COL5A2: variants seen among roughly 807,000 people sequenced by gnomAD.
COL5A2 encodes the protein collagen alpha-2(V) chain.
In COL5A2, 23 loss-of-function variants were observed where a neutral mutation model predicts 208.2. The ratio of observed to expected loss-of-function variants is 0.11; its 90% CI spans 0.08 to 0.16. The LOEUF (loss-of-function observed/expected upper bound fraction) is 0.16. Among genes scored for constraint, COL5A2 ranks in the 10% least tolerant of loss-of-function variants. The pLI is 1.00. For synonymous variants in COL5A2, 625 were observed against 628.5 expected (o/e 0.99, Z 0.08); for missense variants, 1,590 against 1,956.4 (o/e 0.81, Z 3.53).
chr2:189,066,137 C>T (rs1031103669), intron 23 of COL5A2, among the ~76,000 whole-genome samples: 4 of 152,142 alleles, frequency 2.6e-5, no homozygotes, highest in African/African-American at 7.2e-5. Flanking sequence ...AGGACCATAG[C>T]CTTCTTGTTC....
chr2:189,121,759 A>AAAAAG (rs869209480), intron 1 of COL5A2, among the ~76,000 whole-genome samples: 1 of 146,432 alleles, frequency 6.8e-6, no homozygotes, highest in Non-Finnish European at 1.5e-5. Flanking sequence ...AAAAAAAAAA[A>AAAAAG]GCATTTTTCT....
intron 14 of COL5A2, among the ~76,000 whole-genome samples, chr2:189,079,465 T>A (rs1686485434): frequency 6.6e-6 from 1 of 152,094 alleles, no homozygotes; most frequent in African/African-American, 2.4e-5. Flanking sequence ...TCTAGGAGAC[T>A]TAGAAATAAA....
chr2:189,073,165 C>T (rs555146369), intron 17 of COL5A2, among the ~76,000 whole-genome samples: 2 of 152,170 alleles, frequency 1.3e-5, no homozygotes, highest in South Asian at 2.1e-4. Context: ...TCTTGGCCCA[C>T]GTTGATCATG....
Position 189,100,157 on chromosome 2 carries a change from A to G in COL5A2, c.337-18T>C, listed in dbSNP as rs1403440743. 2 of 1,606,584 alleles carry G rather than the reference A, an allele frequency of 1.2e-6. No individual in the cohort carries two copies. Among genetic ancestry groups the G allele is most frequent in the Non-Finnish European group, 1.7e-6 (2 of 1,173,450 alleles). ...TTTTGTCCCTGTGACATTAAAAACA[A>G]TTCAAAAATTCAATTAGCACAATAT... On this transcript the variant is annotated intron_variant, in intron 3 of 53. Transcript: ENST00000374866.
chr2:189,144,915 A>G (rs1382503112), intron 1 of COL5A2, among the ~76,000 whole-genome samples: 1 of 152,110 alleles, frequency 6.6e-6, no homozygotes, highest in Non-Finnish European at 1.5e-5. Flanking sequence ...AATTAATAAG[A>G]TGAGAGATTT....
rs863223505 is a variant in COL5A2 at position 189,063,984 on chromosome 2, G to A, written c.1766C>T (p.Pro589Leu). Reference protein sequence around the residue: ...GVQGPEGKLGPLGAPGEDGRP... With the variant: ...GVQGPEGKLGLLGAPGEDGRP... ...ACTTCTGTTTAAATTACTTACCAAA[G>A]GTCCAAGTTTTCCTTCAGGACCTTG... The change falls in exon 26 of 54, where the codon CCT (proline) becomes CTT (leucine). Residue 589 changes from proline to leucine, a missense_variant. Transcript: ENST00000374866. 9 of 1,612,198 alleles carry A rather than the reference G, an allele frequency of 5.6e-6. No individual in the cohort carries two copies. The highest frequency in any genetic ancestry group is 6.8e-6 in the Non-Finnish European group (8 of 1,178,804).
chr2:189,075,532 T>C (rs1445502474), intron 16 of COL5A2, 95 bp from the exon 17 acceptor site: 1 of 919,734 alleles, frequency 1.1e-6, no homozygotes, highest in African/African-American at 1.7e-5. Context: ...TATTGCAAAT[T>C]GAAGAATAAA....
At chr2:189,074,297 ATCT>A (rs1686348675) in intron 17 of COL5A2, among the ~76,000 whole-genome samples, 3 of 152,068 alleles carry the variant, frequency 2.0e-5, no homozygotes, top group Non-Finnish European at 4.4e-5. Flanking sequence ...GCCCTTTATG[ATCT>A]AGATCTAGTT....
chr2:189,240,061 C>G, the COL5A2 span, among the ~76,000 whole-genome samples: 2 of 152,128 alleles, frequency 1.3e-5, no homozygotes, highest in Admixed American at 6.5e-5. Flanking sequence ...CAACAAAAAC[C>G]AAAAACCAAA....
chr2:189,149,233 G>A (rs1054602390), intron 1 of COL5A2, among the ~76,000 whole-genome samples: 1 of 152,096 alleles, frequency 6.6e-6, no homozygotes, highest in Non-Finnish European at 1.5e-5. Context: ...GCTAATGTTA[G>A]GTGAAGATTT....
At position 189,117,755 on chromosome 2, in the gene COL5A2, A is replaced by G. The variant is rs529082479; in HGVS notation, c.98-7306T>C. On this transcript the variant is annotated intron_variant, in intron 1 of 53. Transcript: ENST00000374866. ...CTCTTTTTTTTTTTTCTTTTAATGT[A>G]GTAGTTACCACTTTCAAGCCTACTA... 1.7e-3 allele frequency among the ~76,000 whole-genome samples: 251 copies of G among 151,842 alleles called. 2 individuals are homozygous for G. The highest frequency in any genetic ancestry group is 1.9e-3 in the South Asian group (9 of 4,808).
At chr2:189,138,930 T>C (rs1461703000) in intron 1 of COL5A2, among the ~76,000 whole-genome samples, 2 of 152,236 alleles carry the variant, frequency 1.3e-5, no homozygotes, top group Non-Finnish European at 2.9e-5. Context: ...AAATCTCCTA[T>C]GCAGAATTGC....
At chr2:189,345,461 CAAG>C in the COL5A2 span, among the ~76,000 whole-genome samples, 1 of 152,000 alleles carries the variant, frequency 6.6e-6, no homozygotes, top group African/African-American at 2.4e-5. Flanking sequence ...GAAAATATAG[CAAG>C]AAGGTCACAA....
the COL5A2 span, among the ~76,000 whole-genome samples, chr2:189,397,910 T>C: frequency 2.0e-5 from 3 of 152,078 alleles, no homozygotes; most frequent in Non-Finnish European, 4.4e-5. Context: ...TTAGCTTTCT[T>C]CTATAATAAA....
chr2:189,158,339 G>C (rs1413773910), intron 1 of COL5A2, among the ~76,000 whole-genome samples: 1 of 151,930 alleles, frequency 6.6e-6, no homozygotes, highest in Non-Finnish European at 1.5e-5. Context: ...CTAGCTCTAT[G>C]AACATTTATT....
At chr2:189,437,853 T>G in the COL5A2 span, among the ~76,000 whole-genome samples, 3 of 152,206 alleles carry the variant, frequency 2.0e-5, no homozygotes, top group Non-Finnish European at 4.4e-5. Context: ...ATGTACATTA[T>G]GCAGGGTAGT....
intron 1 of COL5A2, among the ~76,000 whole-genome samples, chr2:189,147,382 C>A (rs538888265): frequency 5.3e-5 from 8 of 152,234 alleles, no homozygotes; most frequent in Admixed American, 5.2e-4. Context: ...TTCATAAAGA[C>A]AGAATTCAGC....
chr2:189,417,191 T>C, the COL5A2 span, among the ~76,000 whole-genome samples: 2 of 152,162 alleles, frequency 1.3e-5, no homozygotes, highest in Non-Finnish European at 2.9e-5. Context: ...CATCTGGAAT[T>C]TATGGACTAA....
At chr2:189,082,248 G>A (rs1304264508) in intron 12 of COL5A2, among the ~76,000 whole-genome samples, 1 of 152,142 alleles carries the variant, frequency 6.6e-6, no homozygotes, top group Non-Finnish European at 1.5e-5. Flanking sequence ...GCAACTCAAT[G>A]GATGAAATTC....
Sources: gnomAD v4.1 joint callset for allele counts (sites outside exome capture counted in the v4.1 genomes callset) on GRCh38, gnomAD v4.1.1 for gene constraint, MANE v1.5 for transcripts, NCBI Gene and HGNC (gene_info 2026-07-23, HGNC 2026-07-21) for gene names.